CACNA1B: variants seen among roughly 807,000 people sequenced by gnomAD.
CACNA1B encodes the protein calcium voltage-gated channel subunit alpha1 B, also known as voltage-dependent N-type calcium channel subunit alpha-1B.
CACNA1B carries 70 observed loss-of-function variants against 247.2 expected under a neutral mutation model. The observed-to-expected ratio is 0.28, with a 90% CI of 0.23 to 0.35. CACNA1B has a LOEUF of 0.35. Ranked by LOEUF, CACNA1B falls within the 10% of genes least tolerant of loss-of-function variation. The probability of loss-of-function intolerance (pLI) is 1.00; values close to 1 mark genes in which losing one functional copy is unlikely to be tolerated. For missense variants in CACNA1B, 2,367 were observed against 3,197.4 expected (o/e 0.74, Z 6.26); for synonymous variants, 1,231 against 1,294.4 (o/e 0.95, Z 1.05).
At chr9:138,096,691 C>T (rs1461109563) in intron 37 of CACNA1B, 80 bp downstream of exon 37, 10 of 1,455,856 alleles carry the variant, frequency 6.9e-6, no homozygotes, top group Non-Finnish European at 7.5e-6. Context: ...TGGCTTCAGA[C>T]ATGTTTCAAG....
chr9:137,976,759 C>T (rs1442744272), intron 12 of CACNA1B, among the ~76,000 whole-genome samples: 1 of 128,376 alleles, frequency 7.8e-6, no homozygotes, highest in Admixed American at 7.6e-5. Flanking sequence ...GACAGCTGAG[C>T]ACAGAGGGCA....
At chr9:138,016,659 C>T (rs867397389) in intron 18 of CACNA1B, among the ~76,000 whole-genome samples, 58 of 152,092 alleles carry the variant, frequency 3.8e-4, no homozygotes, top group Admixed American at 2.2e-3. Context: ...GGCCGGGAGA[C>T]GGTGCGGTCA....
In CACNA1B at chr9:137,880,786, G is replaced by C. The variant is rs773271947; in HGVS notation, c.390+1627G>C. Among the ~76,000 whole-genome samples, 8 of 152,170 alleles carry C rather than the reference G, an allele frequency of 5.3e-5. No homozygotes were observed. Among genetic ancestry groups the C allele is most frequent in the Non-Finnish European group, 1.2e-4 (8 of 68,016 alleles). On this transcript the variant is annotated intron_variant, in intron 2 of 46. Coordinates refer to ENST00000371372, the MANE Select transcript of CACNA1B (RefSeq NM_000718.4). The surrounding 1 kb of genome is among the most constrained non-coding windows in gnomAD (Gnocchi z 4.8). ...CCTGGGATGGAGGGGAGGCTGTGCT[G>C]CTGCCCACAGAGCAGGCCGAGGCTG...
At chr9:138,000,128 T>G (rs1220797428) in intron 15 of CACNA1B, among the ~76,000 whole-genome samples, 5 of 149,650 alleles carry the variant, frequency 3.3e-5, no homozygotes, top group Non-Finnish European at 7.4e-5. Context: ...AGATGGAGTC[T>G]CGCTCTGTCG....
At chr9:137,916,726 T>C (rs1957416037) in intron 5 of CACNA1B, among the ~76,000 whole-genome samples, 1 of 151,784 alleles carries the variant, frequency 6.6e-6, no homozygotes, top group Non-Finnish European at 1.5e-5. Flanking sequence ...ACAGTCAGCG[T>C]GGCAGTTTGG....
chr9:138,105,662 A>G (rs937125771), intron 38 of CACNA1B, 37 bp from the exon 39 acceptor site: 35 of 1,189,152 alleles, frequency 2.9e-5, no homozygotes, highest in Non-Finnish European at 3.9e-5. Context: ...GGGTGACCCC[A>G]GCAGGCCTGG....
chr9:138,057,081 G>A lies in CACNA1B; in HGVS notation c.3969-651G>A, dbSNP rs1026734360. Reference sequence around the variant, plus strand: ...CTCCCGAGTAGCTGGGACTATAGGCGCCCGCCACCACGCCCGGCTAATTAT... The same window carrying A: ...CTCCCGAGTAGCTGGGACTATAGGCACCCGCCACCACGCCCGGCTAATTAT... On this transcript the variant is annotated intron_variant, in intron 26 of 46. Coordinates refer to ENST00000371372, the MANE Select transcript of CACNA1B (RefSeq NM_000718.4). The surrounding 1 kb of genome is among the most constrained non-coding windows in gnomAD (Gnocchi z 4.0). Among the ~76,000 whole-genome samples the A allele has an allele frequency of 5.3e-5, 8 of 151,792 alleles. No homozygotes were observed. Among genetic ancestry groups the A allele is most frequent in the East Asian group, 3.9e-4 (2 of 5,174 alleles).
intron 10 of CACNA1B, among the ~76,000 whole-genome samples, chr9:137,966,687 T>A (rs979162231): frequency 1.3e-5 from 2 of 151,800 alleles, no homozygotes; most frequent in African/African-American, 4.8e-5. Context: ...TACAGGCACG[T>A]GCCACCACGC....
intron 38 of CACNA1B, among the ~76,000 whole-genome samples, chr9:138,103,071 G>A (rs1385130873): frequency 6.6e-6 from 1 of 151,996 alleles, no homozygotes; most frequent in African/African-American, 2.4e-5. Context: ...GCCCCCTGGA[G>A]GCTCAGGAAG....
At chr9:138,085,355 T>TA (rs1405796083) in intron 36 of CACNA1B, among the ~76,000 whole-genome samples, 15 of 150,716 alleles carry the variant, frequency 1.0e-4, no homozygotes, top group Non-Finnish European at 1.8e-4. Context: ...AAGAAATAAT[T>TA]AAAAAGAGTG....
At chr9:138,043,474 G>A (rs1169331977) in intron 20 of CACNA1B, among the ~76,000 whole-genome samples, 4 of 152,138 alleles carry the variant, frequency 2.6e-5, no homozygotes, top group Non-Finnish European at 4.4e-5. Flanking sequence ...TCAGCGCATC[G>A]AGGCCCCTCA....
intron 6 of CACNA1B, among the ~76,000 whole-genome samples, chr9:137,930,700 A>G (rs1355257985): frequency 6.6e-6 from 1 of 152,092 alleles, no homozygotes; most frequent in African/African-American, 2.4e-5. Flanking sequence ...CTCCAGCTTT[A>G]ATTGCAGATT....
At chr9:137,907,255 T>C (rs926863247) in intron 3 of CACNA1B, among the ~76,000 whole-genome samples, 1 of 152,262 alleles carries the variant, frequency 6.6e-6, no homozygotes, top group Non-Finnish European at 1.5e-5. Context: ...CATTTTTAAC[T>C]GTGGAATAAT....
rs541727226 is a variant in CACNA1B, at chr9:138,011,723, C to T, written c.2161-1406C>T. 5.4e-4 allele frequency among the ~76,000 whole-genome samples: 82 copies of T among 152,274 alleles called. 1 individual carries two copies. Among genetic ancestry groups the T allele is most frequent in the Admixed American group, 2.8e-3 (43 of 15,304 alleles). On this transcript the variant is annotated intron_variant, in intron 17 of 46. Transcript: ENST00000371372. This position sits in a 1 kb window ranked among gnomAD's most constrained non-coding sequence, Gnocchi z 4.2. ...GTGTTTCACGCTGGGTCTGGCTTTG[C>T]CTCCTCTCTGGGCTTGAAGTTCGAA...
intron 16 of CACNA1B, among the ~76,000 whole-genome samples, chr9:138,008,249 C>T (rs1415315746): frequency 6.6e-6 from 1 of 152,242 alleles, no homozygotes; most frequent in Non-Finnish European, 1.5e-5. Context: ...AAGGAGGTGC[C>T]TCTGCCTCAA....
chr9:138,105,947 GAT>G (rs1345374156), intron 39 of CACNA1B, 140 bp downstream of exon 39: 10 of 599,706 alleles, frequency 1.7e-5, no homozygotes, highest in Non-Finnish European at 2.7e-5. Context: ...AGCTGCACAG[GAT>G]ACCCACCCTG....
intron 15 of CACNA1B, 95 bp from the exon 16 acceptor site, chr9:138,006,672 A>C (rs1958654918): frequency 1.4e-6 from 1 of 712,028 alleles, no homozygotes. Context: ...GTGCGCGTGG[A>C]CGTGGCGGTG....
In CACNA1B at chr9:138,100,183, G is replaced by A. The variant is rs1489541539; in HGVS notation, c.5223-2528G>A. Among the ~76,000 whole-genome samples, 1 of 152,266 alleles carries A rather than the reference G, an allele frequency of 6.6e-6. No individual in the cohort carries two copies. ...TGGATTGAGCTGGGGATGGGAGGTG[G>A]GGCAGAGGGAAGAGGGAGGCCAGGT... is the stretch of plus-strand genomic sequence containing the variant. On this transcript the variant is annotated intron_variant, in intron 37 of 46. Coordinates refer to ENST00000371372, the MANE Select transcript of CACNA1B (RefSeq NM_000718.4). This position sits in a 1 kb window ranked among gnomAD's most constrained non-coding sequence, Gnocchi z 4.6.
chr9:137,941,266 T>G (rs956726471), intron 6 of CACNA1B, among the ~76,000 whole-genome samples: 3 of 152,292 alleles, frequency 2.0e-5, no homozygotes, highest in African/African-American at 7.2e-5. Context: ...CTCTTTTATA[T>G]ACTAACAGTG....
Sources: gnomAD v4.1 joint callset for allele counts (sites outside exome capture counted in the v4.1 genomes callset) on GRCh38, gnomAD v4.1.1 for gene constraint, Gnocchi (gnomAD v3.1) non-coding constraint, MANE v1.5 for transcripts, NCBI Gene and HGNC (gene_info 2026-07-23, HGNC 2026-07-21) for gene names.